NEGR1: variants seen among roughly 807,000 people sequenced by gnomAD.
NEGR1 encodes the protein neuronal growth regulator 1, also known as IgLON family member 4.
NEGR1 carries 10 observed loss-of-function variants against 40.9 expected under a neutral mutation model. The ratio of observed to expected loss-of-function variants is 0.24; its 90% CI spans 0.15 to 0.42. The LOEUF (loss-of-function observed/expected upper bound fraction) is 0.42, where lower values mean the gene tolerates loss of function less well. Ranked by LOEUF, NEGR1 falls within the 10% of genes least tolerant of loss-of-function variation. NEGR1 has a pLI of 1.00. For synonymous variants in NEGR1, 185 were observed against 166.8 expected, an observed-to-expected ratio of 1.11 and a Z score of -0.84; for missense variants, 352 against 438.9, an observed-to-expected ratio of 0.80 and a Z score of 1.77.
At chr1:71,564,421 C>G (rs1312877895) in intron 6 of NEGR1, among the ~76,000 whole-genome samples, 1 of 151,982 alleles carries the variant, frequency 6.6e-6, no homozygotes, top group Non-Finnish European at 1.5e-5. Context: ...TTTATCTTCC[C>G]CATTCTGCTA....
At chr1:71,610,150 A>C (rs1650206970) in intron 5 of NEGR1, among the ~76,000 whole-genome samples, 1 of 152,228 alleles carries the variant, frequency 6.6e-6, no homozygotes, top group African/African-American at 2.4e-5. Flanking sequence ...AGAATGGACT[A>C]ATACAGTATG....
intron 1 of NEGR1, among the ~76,000 whole-genome samples, chr1:72,136,583 C>G (rs1650471998): frequency 7.0e-6 from 1 of 143,030 alleles, no homozygotes; most frequent in Non-Finnish European, 1.5e-5. Context: ...TATTACTCCA[C>G]AGGTCTTAGC....
At chr1:71,759,677 T>C (rs1468984022) in intron 3 of NEGR1, among the ~76,000 whole-genome samples, 2 of 131,090 alleles carry the variant, frequency 1.5e-5, no homozygotes, top group African/African-American at 5.6e-5. Flanking sequence ...CAGCGCCATC[T>C]CGGCTCACTG....
At chr1:71,595,021 A>G (rs988104601) in intron 5 of NEGR1, among the ~76,000 whole-genome samples, 4 of 152,226 alleles carry the variant, frequency 2.6e-5, no homozygotes, top group Admixed American at 1.3e-4. Context: ...CAGACACTCC[A>G]TGGCACTATA....
At chr1:71,512,433 T>C (rs755987934) in intron 6 of NEGR1, among the ~76,000 whole-genome samples, 4 of 152,054 alleles carry the variant, frequency 2.6e-5, no homozygotes, top group Non-Finnish European at 5.9e-5. Flanking sequence ...TGTTATGATA[T>C]CTAGTTTGAG....
chr1:72,206,762 T>C (rs1437999904), intron 1 of NEGR1, among the ~76,000 whole-genome samples: 5 of 151,996 alleles, frequency 3.3e-5, no homozygotes, highest in Admixed American at 2.0e-4. Flanking sequence ...AACATCAACA[T>C]AAAGGTGAAC....
intron 6 of NEGR1, among the ~76,000 whole-genome samples, chr1:71,563,280 T>C (rs1383638050): frequency 6.6e-6 from 1 of 151,988 alleles, no homozygotes; most frequent in Non-Finnish European, 1.5e-5. Context: ...GACACATCTA[T>C]GAATTTTGCT....
At chr1:71,580,824 G>T (rs997390248) in intron 6 of NEGR1, among the ~76,000 whole-genome samples, 4 of 152,064 alleles carry the variant, frequency 2.6e-5, no homozygotes, top group Non-Finnish European at 4.4e-5. Flanking sequence ...TATGTAATTT[G>T]TCTAGAGTCA....
At chr1:71,635,281 C>T (rs796968072) in intron 4 of NEGR1, among the ~76,000 whole-genome samples, 4 of 152,050 alleles carry the variant, frequency 2.6e-5, no homozygotes, top group Admixed American at 2.0e-4. Context: ...AACCACCGCC[C>T]GCACTTCCAC....
intron 1 of NEGR1, among the ~76,000 whole-genome samples, chr1:72,130,579 C>T (rs1377405722): frequency 6.6e-6 from 1 of 152,088 alleles, no homozygotes; most frequent in Non-Finnish European, 1.5e-5. Flanking sequence ...CAATTTGGGG[C>T]AGTCCCTTGC....
chr1:72,003,589 G>A (rs1646576824), intron 1 of NEGR1, among the ~76,000 whole-genome samples: 1 of 149,632 alleles, frequency 6.7e-6, no homozygotes, highest in Admixed American at 6.7e-5. Flanking sequence ...AATCTAGGAA[G>A]TTATCAGAAG....
intron 1 of NEGR1, 116 bp downstream of exon 1, chr1:72,282,203 T>C: frequency 1.6e-6 from 2 of 1,236,502 alleles, no homozygotes; most frequent in Non-Finnish European, 2.2e-6. Flanking sequence ...GATGTGGTCT[T>C]TCCATGATGA....
At chr1:71,681,762 C>G (rs1380009231) in intron 4 of NEGR1, among the ~76,000 whole-genome samples, 1 of 152,076 alleles carries the variant, frequency 6.6e-6, no homozygotes, top group Admixed American at 6.6e-5. Flanking sequence ...TAGACATTTA[C>G]ACTCTATTCT....
chr1:71,951,404 T>C (rs1158399650), intron 1 of NEGR1, among the ~76,000 whole-genome samples: 1 of 151,906 alleles, frequency 6.6e-6, no homozygotes, highest in Non-Finnish European at 1.5e-5. Flanking sequence ...AACTCGAGTT[T>C]TGTATTTACA....
At chr1:71,932,884 T>C (rs915577987) in intron 2 of NEGR1, among the ~76,000 whole-genome samples, 1 of 152,090 alleles carries the variant, frequency 6.6e-6, no homozygotes, top group African/African-American at 2.4e-5. Context: ...TTAAGTGGGG[T>C]TGACTTTTTA....
chr1:71,469,479 T>C (rs763664214), intron 6 of NEGR1, among the ~76,000 whole-genome samples: 5 of 152,212 alleles, frequency 3.3e-5, no homozygotes, highest in Non-Finnish European at 5.9e-5. Context: ...AAAGAAAATC[T>C]TCCAGCTGAA....
intron 2 of NEGR1, among the ~76,000 whole-genome samples, chr1:71,847,900 G>T (rs762528359): frequency 2.6e-5 from 4 of 152,260 alleles, no homozygotes; most frequent in South Asian, 4.1e-4. Flanking sequence ...TTGCACCAAA[G>T]AATTAATCAA....
intron 5 of NEGR1, among the ~76,000 whole-genome samples, chr1:71,608,816 C>T (rs768590656): frequency 5.9e-5 from 9 of 152,118 alleles, no homozygotes; most frequent in South Asian, 2.1e-4. Flanking sequence ...AGCATCTTCT[C>T]GAGAAGTGCT....
chr1:71,949,922 A>G (rs192203009), intron 1 of NEGR1, among the ~76,000 whole-genome samples: 2 of 152,016 alleles, frequency 1.3e-5, no homozygotes, highest in East Asian at 3.9e-4. Context: ...TTTCTTTCCT[A>G]TGTTTCTGGA....
Sources: allele counts gnomAD v4.1 joint callset (sites outside exome capture counted in the v4.1 genomes callset), GRCh38; gene constraint gnomAD v4.1.1; transcripts MANE v1.5; gene names NCBI Gene and HGNC (gene_info 2026-07-23, HGNC 2026-07-21).